SFRP4: variants seen among roughly 807,000 people sequenced by gnomAD.
SFRP4 encodes the protein secreted frizzled related protein 4, also known as secreted frizzled-related protein 4.
In SFRP4, 25 loss-of-function variants were observed where a neutral mutation model predicts 36.3. The ratio of observed to expected loss-of-function variants is 0.69; its 90% CI spans 0.50 to 0.96. The LOEUF (loss-of-function observed/expected upper bound fraction) is 0.96. Among genes scored for constraint, SFRP4 ranks in the 40% least tolerant of loss-of-function variants. The probability of loss-of-function intolerance (pLI) is 0.00; values close to 1 mark genes in which losing one functional copy is unlikely to be tolerated. For synonymous variants in SFRP4, 182 were observed against 168.8 expected, an observed-to-expected ratio of 1.08 and a Z score of -0.60; for missense variants, 487 against 459.6, an observed-to-expected ratio of 1.06 and a Z score of -0.54.
chr7:37,906,595 C>G lies in SFRP4; in HGVS notation c.*884G>C, dbSNP rs905505984. 9.2e-5 allele frequency: 14 copies of G among 152,152 alleles called. No individual in the cohort carries two copies. The highest frequency in any genetic ancestry group is 7.2e-4 in the Admixed American group (11 of 15,274). The allele number at this position is 152,152 out of a possible 1,614,324, so 9.4% of individuals were successfully genotyped here. A position where few individuals can be genotyped will look rare whatever the true frequency, so the allele number is the denominator to read the frequency against. ...CCATTTTTAAGCTTGTCAAATTATT[C>G]TCAGGGTGGATGTCCTGGGAAGTAA... On this transcript the variant is annotated 3_prime_UTR_variant, in exon 6 of 6. Coordinates refer to ENST00000436072, the MANE Select transcript of SFRP4 (RefSeq NM_003014.4).
chr7:37,914,989 C>T (rs1256441577), intron 1 of SFRP4, among the ~76,000 whole-genome samples: 1 of 152,190 alleles, frequency 6.6e-6, no homozygotes, highest in Admixed American at 6.5e-5. Flanking sequence ...TTTGCCTATC[C>T]AAGCACAAAT....
rs1345320766 is a variant in SFRP4 at position 37,916,111 on chromosome 7, C to G, written c.427G>C (p.Val143Leu). 1.9e-6 allele frequency: 3 copies of G among 1,612,496 alleles called. No homozygotes were observed. The highest frequency in any genetic ancestry group is 1.3e-5 in the African/African-American group (1 of 74,996). The change falls in exon 1 of 6, where the codon GTC becomes CTC. Residue 143 changes from valine to leucine, a missense_variant. Transcript: ENST00000436072. The surrounding 1 kb of genome is among the most constrained non-coding windows in gnomAD (Gnocchi z 4.1). Reference protein sequence around the residue: ...RGVCISPEAIVTDLPEDVKWI... With the variant: ...RGVCISPEAILTDLPEDVKWI... ...GCCTCACCCTCCGGGAGGTCCGTGA[C>G]GATGGCTTCAGGCGAGATGCACACG...
At chr7:37,915,828 C>G (rs13240903) in intron 1 of SFRP4, among the ~76,000 whole-genome samples, 30,768 of 152,016 alleles carry the variant, frequency 0.2, 3,334 homozygotes, top group East Asian at 0.33. Flanking sequence ...TCTGTTATTA[C>G]TATAAATGCA....
At chr7:37,914,919 G>T (rs996545998) in intron 1 of SFRP4, among the ~76,000 whole-genome samples, 2 of 152,158 alleles carry the variant, frequency 1.3e-5, no homozygotes, top group Non-Finnish European at 1.5e-5. Flanking sequence ...GCATGTGATT[G>T]TTGACTTCTC....
Position 37,914,113 on chromosome 7 carries a change from C to G in SFRP4, c.592+100G>C, listed in dbSNP as rs970863969. 5.6e-6 allele frequency: 5 copies of G among 893,926 alleles called. No homozygotes were observed. The African/African-American group carries it at 8.5e-5, about 15-fold the overall frequency. 55.4% of individuals were successfully genotyped at this position (893,926 alleles called of 1,614,324 possible). On this transcript the variant is annotated intron_variant, in intron 3 of 5. Transcript: ENST00000436072. ...GGAAAAATAGTCAACCTTTTGTTTT[C>G]TTTACTTTGTGACTAGCTTTAGTGA...
At chr7:37,914,697 T>G (rs892085278) in intron 1 of SFRP4, among the ~76,000 whole-genome samples, 1 of 152,176 alleles carries the variant, frequency 6.6e-6, no homozygotes, top group Admixed American at 6.5e-5. Flanking sequence ...AAACCCCATC[T>G]CTACTAAAAA....
At position 37,905,964 on chromosome 7, in the gene SFRP4, A is replaced by C. The variant is rs1562847815; in HGVS notation, c.*1515T>G. On this transcript the variant is annotated 3_prime_UTR_variant, in exon 6 of 6. Coordinates refer to ENST00000436072, the MANE Select transcript of SFRP4 (RefSeq NM_003014.4). ...ATTGAGATGTTTATTCAGTATTGTC[A>C]GTGAAGAAACCACCTAAGTATCCAA... The C allele has an allele frequency of 1.3e-5, 2 of 152,344 alleles. No individual in the cohort carries two copies. The highest frequency in any genetic ancestry group is 3.9e-4 in the East Asian group (2 of 5,188). 9.4% of individuals were successfully genotyped at this position (152,344 alleles called of 1,614,324 possible).
intron 1 of SFRP4, among the ~76,000 whole-genome samples, 190 bp downstream of exon 1, chr7:37,915,903 C>T (rs190631617): frequency 9.9e-5 from 15 of 151,960 alleles, no homozygotes; most frequent in African/African-American, 3.6e-4. Context: ...GTGCAGTGCT[C>T]TCCGCTAGCT....
rs946772320 is a variant in SFRP4 at position 37,912,174 on chromosome 7, G to A, written c.736C>T (p.Pro246Ser). 5 of 1,614,040 alleles carry A rather than the reference G, an allele frequency of 3.1e-6. No homozygotes were observed. The African/African-American group carries it at 6.7e-5, about 22-fold the overall frequency. Residue 246 changes from proline (P) to serine (S), a missense_variant, in exon 4 of 6, where the codon CCA becomes TCA. Pro to Ser is a moderately conservative substitution (Grantham distance 74, BLOSUM62 -1). Coordinates refer to ENST00000436072, the MANE Select transcript of SFRP4 (RefSeq NM_003014.4). ...PLITNSSCQC[P>S]HILPHQDVLI... ...ACATCTTGATGGGGCAGGATGTGTGGACACTGGCAAGAAGAATTTGTAATG... is the reference window on the plus strand; with the variant it reads ...ACATCTTGATGGGGCAGGATGTGTGAACACTGGCAAGAAGAATTTGTAATG...
rs556858060 is a variant in SFRP4, at chr7:37,911,178, G to A, written c.791+941C>T. Among the ~76,000 whole-genome samples the A allele has an allele frequency of 1.1e-4, 16 of 152,290 alleles. No individual in the cohort carries two copies. The Middle Eastern group carries it at 0.01, about 97-fold the overall frequency. On this transcript the variant is annotated intron_variant, in intron 4 of 5. Transcript: ENST00000436072. Reference sequence around the variant, plus strand: ...GCTTCTTTAGGGAGACAAGATATACGCAGAATCTGGCTTTAAAACCAAGAA... The same window carrying A: ...GCTTCTTTAGGGAGACAAGATATACACAGAATCTGGCTTTAAAACCAAGAA...
chr7:37,912,539 AG>A (rs1298994456), intron 3 of SFRP4, among the ~76,000 whole-genome samples: 1 of 152,204 alleles, frequency 6.6e-6, no homozygotes, highest in Non-Finnish European at 1.5e-5. Flanking sequence ...GCATACTGCA[AG>A]ATAGGAAAGC....
At chr7:37,915,357 C>G (rs912772256) in intron 1 of SFRP4, among the ~76,000 whole-genome samples, 8 of 152,188 alleles carry the variant, frequency 5.3e-5, no homozygotes, top group African/African-American at 1.9e-4. Context: ...GAGATTCCAG[C>G]ACAGCAATAT....
Position 37,914,795 on chromosome 7 carries a change from G to T in SFRP4, c.446-342C>A, listed in dbSNP as rs188971268. On this transcript the variant is annotated intron_variant, in intron 1 of 5. Coordinates refer to ENST00000436072, the MANE Select transcript of SFRP4 (RefSeq NM_003014.4). ...CAGGAGAATCGCTTGAACCCGGGAG[G>T]CGAAGGTTGCCGTGAGCTGAGATTG... is the stretch of plus-strand genomic sequence containing the variant. Among the ~76,000 whole-genome samples, 301 of 152,298 alleles carry T rather than the reference G, an allele frequency of 2.0e-3. 2 individuals are homozygous for T. Among genetic ancestry groups the T allele is most frequent in the African/African-American group, 6.9e-3 (288 of 41,550 alleles).
rs769407894 is a variant in SFRP4, at chr7:37,916,700, C to T, written c.-163G>A. The T allele has an allele frequency of 6.7e-4, 753 of 1,127,240 alleles. 1 individual carries two copies. Among genetic ancestry groups the T allele is most frequent in the Non-Finnish European group, 8.6e-4 (702 of 815,760 alleles). The allele number at this position is 1,127,240 out of a possible 1,614,324, so 69.8% of individuals were successfully genotyped here. On this transcript the variant is annotated 5_prime_UTR_variant, in exon 1 of 6. Transcript: ENST00000436072. This position sits in a 1 kb window ranked among gnomAD's most constrained non-coding sequence, Gnocchi z 4.1. The stretch of plus-strand genomic sequence containing the variant: ...GGCAGCAAAGCGGGGCCGCGGGGTC[C>T]GGCCGCGGAGCTCCGCCGTCTGGCA...
chr7:37,912,199 G>C lies in SFRP4; in HGVS notation c.711C>G (p.Leu237=), dbSNP rs774703755. 1 of 1,614,122 alleles carries C rather than the reference G, an allele frequency of 6.2e-7. No homozygotes were observed. The highest frequency in any genetic ancestry group is 8.5e-7 in the Non-Finnish European group (1 of 1,179,980). Reference sequence around the variant, plus strand: ...GACACTGGCAAGAAGAATTTGTAATGAGCGGGACTTGAGTTCGAGGGATGG... The same window carrying C: ...GACACTGGCAAGAAGAATTTGTAATCAGCGGGACTTGAGTTCGAGGGATGG... The part of the protein sequence containing the change: ...SSPIPRTQVP[L]ITNSSCQCPH... Residue 237 remains leucine, a synonymous_variant, in exon 4 of 6, where the codon CTC becomes CTG. Transcript: ENST00000436072.
intron 5 of SFRP4, among the ~76,000 whole-genome samples, chr7:37,908,149 C>A (rs1214988584): frequency 6.6e-6 from 1 of 152,216 alleles, no homozygotes; most frequent in Non-Finnish European, 1.5e-5. Flanking sequence ...TTGTTCACTT[C>A]ATTCTCCCAC....
rs1265434251 is a variant in SFRP4, at chr7:37,914,724, G to A, written c.446-271C>T. Among the ~76,000 whole-genome samples, 2 of 152,270 alleles carry A rather than the reference G, an allele frequency of 1.3e-5. 1 individual carries two copies. Among genetic ancestry groups the A allele is most frequent in the African/African-American group, 4.8e-5 (2 of 41,530 alleles). On this transcript the variant is annotated intron_variant, in intron 1 of 5. Coordinates refer to ENST00000436072, the MANE Select transcript of SFRP4 (RefSeq NM_003014.4). ...TACTAAAAATACAAAAATTAGCCAG[G>A]CATGGTGGTGGATGCCTGTAATCCC... is the stretch of plus-strand genomic sequence containing the variant.
intron 1 of SFRP4, among the ~76,000 whole-genome samples, chr7:37,914,908 G>A (rs966565045): frequency 2.0e-5 from 3 of 152,124 alleles, no homozygotes; most frequent in African/African-American, 7.2e-5. Context: ...AAGTAAAAAC[G>A]GCATGTGATT....
Position 37,907,481 on chromosome 7 carries a change from A to G in SFRP4, c.1039T>C (p.Ter347ArgextTer3), listed in dbSNP as rs1302239298. ...AQKRTNPKRV[*>R] The stretch of plus-strand genomic sequence containing the variant: ...CTCCGCTTTGGAAACTAGTTAGCTC[A>G]CACTCTTTTCGGGTTTGTTCTCTTC... Residue 347 changes from the stop codon to arginine (R), a stop_lost, in exon 6 of 6, where the codon TGA (stop) becomes CGA (arginine). Coordinates refer to ENST00000436072, the MANE Select transcript of SFRP4 (RefSeq NM_003014.4). The G allele has an allele frequency of 6.2e-7, 1 of 1,612,306 alleles. No individual in the cohort carries two copies. The highest frequency in any genetic ancestry group is 8.5e-7 in the Non-Finnish European group (1 of 1,179,268).
Sources: allele counts gnomAD v4.1 joint callset (sites outside exome capture counted in the v4.1 genomes callset), GRCh38; gene constraint gnomAD v4.1.1; non-coding constraint Gnocchi (gnomAD v3.1); transcripts MANE v1.5; gene names NCBI Gene and HGNC (gene_info 2026-07-23, HGNC 2026-07-21).